Variants in RAD51B observed in about 807,000 individuals in gnomAD.
The protein encoded by RAD51B is DNA repair protein RAD51 homolog 2.
In RAD51B, 38 loss-of-function variants were observed where a neutral mutation model predicts 42.2. The ratio of observed to expected loss-of-function variants is 0.90; its 90% CI spans 0.70 to 1.18. The LOEUF is 1.18. RAD51B is among the 50% of genes most tolerant of loss of function. RAD51B has a pLI of 0.00. For synonymous variants in RAD51B, 154 were observed against 145.2 expected, an observed-to-expected ratio of 1.06 and a Z score of -0.43; for missense variants, 373 against 400.7, an observed-to-expected ratio of 0.93 and a Z score of 0.59.
chr14:68,140,944 C>T (rs1265140192), intron 7 of RAD51B, among the ~76,000 whole-genome samples: 3 of 152,164 alleles, frequency 2.0e-5, no homozygotes, highest in Non-Finnish European at 4.4e-5. Context: ...AAACTCTGAA[C>T]TGGGTATTGT....
chr14:68,398,486 G>A (rs537490062), intron 8 of RAD51B, among the ~76,000 whole-genome samples: 4 of 152,244 alleles, frequency 2.6e-5, no homozygotes, highest in East Asian at 1.9e-4. Context: ...CTGAGGAGGG[G>A]CCTTAATGAG....
At chr14:67,959,722 C>T (rs9796374) in intron 7 of RAD51B, among the ~76,000 whole-genome samples, 10,446 of 152,156 alleles carry the variant, frequency 0.069, 874 homozygotes, top group African/African-American at 0.2. Context: ...TGGTTCTTTA[C>T]TAATTATATA....
rs7148354 is a variant in RAD51B at position 68,398,310 on chromosome 14, T to G, written c.854-13114T>G. 7.4e-3 allele frequency among the ~76,000 whole-genome samples: 1,124 copies of G among 152,372 alleles called. 20 individuals are homozygous for G. The highest frequency in any genetic ancestry group is 0.025 in the African/African-American group (1,060 of 41,590). On this transcript the variant is annotated intron_variant, in intron 8 of 10. Coordinates refer to ENST00000471583, the MANE Select transcript of RAD51B (RefSeq NM_133510.4). Reference sequence around the variant, plus strand: ...ATTCATCAGATGCACTTAGGCACTCTGGAGTTTTCAAAGCACCTCAGCATT... The same window carrying G: ...ATTCATCAGATGCACTTAGGCACTCGGGAGTTTTCAAAGCACCTCAGCATT...
Position 68,558,873 on chromosome 14 carries a change from A to G in RAD51B, c.1037-35612A>G, listed in dbSNP as rs1888995818. Among the ~76,000 whole-genome samples, 4 of 152,162 alleles carry G rather than the reference A, an allele frequency of 2.6e-5. No homozygotes were observed. The South Asian group carries it at 8.3e-4, about 31-fold the overall frequency. On this transcript the variant is annotated intron_variant, in intron 10 of 10. Coordinates refer to the RAD51B transcript ENST00000487270. Reference sequence around the variant, plus strand: ...TGAGGGTGACACAATTCAGTCCACCATGGGAGACACATGCTTTTTGTCCAT... The same window carrying G: ...TGAGGGTGACACAATTCAGTCCACCGTGGGAGACACATGCTTTTTGTCCAT...
intron 10 of RAD51B, among the ~76,000 whole-genome samples, chr14:68,616,815 T>G (rs1185414708): frequency 1.3e-5 from 2 of 152,136 alleles, no homozygotes; most frequent in Non-Finnish European, 2.9e-5. Context: ...CTCTTGGTGC[T>G]TCATTTTGGA....
At chr14:68,082,546 C>G (rs922778234) in intron 7 of RAD51B, among the ~76,000 whole-genome samples, 1 of 151,768 alleles carries the variant, frequency 6.6e-6, no homozygotes, top group Non-Finnish European at 1.5e-5. Context: ...GATAAATAAG[C>G]ATTCCTCTTT....
intron 7 of RAD51B, among the ~76,000 whole-genome samples, chr14:67,911,548 G>A (rs1398313206): frequency 6.6e-6 from 1 of 151,924 alleles, no homozygotes; most frequent in African/African-American, 2.4e-5. Flanking sequence ...ATATTGGAGG[G>A]GTGCCATTTC....
intron 7 of RAD51B, among the ~76,000 whole-genome samples, chr14:67,976,207 C>T (rs1326539128): frequency 6.6e-6 from 1 of 151,824 alleles, no homozygotes; most frequent in African/African-American, 2.4e-5. Flanking sequence ...GCCTGGACCT[C>T]CTGGGCTCAA....
chr14:68,516,493 G>A (rs1037746042), intron 10 of RAD51B, among the ~76,000 whole-genome samples: 2 of 152,174 alleles, frequency 1.3e-5, no homozygotes, highest in Admixed American at 1.3e-4. Context: ...TAAAGTATGC[G>A]AAGGAAACCC....
chr14:68,075,068 C>T lies in RAD51B; in HGVS notation c.756+187864C>T, dbSNP rs538196473. On this transcript the variant is annotated intron_variant, in intron 7 of 10. Transcript: ENST00000471583. ...CCCAAGCTTGGAACCTTGGCAGTGG[C>T]GATGGCAGAGAGCCTTTCACTTGTT... 3.9e-5 allele frequency among the ~76,000 whole-genome samples: 6 copies of T among 152,282 alleles called. No individual in the cohort carries two copies. In the East Asian group the frequency reaches 7.7e-4, roughly 20 times the overall value.
intron 10 of RAD51B, chr14:68,497,187 CT>C: frequency 7.2e-7 from 1 of 1,391,258 alleles, no homozygotes; most frequent in Non-Finnish European, 9.6e-7. Context: ...GAAAAATCCG[CT>C]TTTCTGCCAC....
chr14:68,559,762 A>G (rs542163932), intron 10 of RAD51B, among the ~76,000 whole-genome samples: 1 of 152,244 alleles, frequency 6.6e-6, no homozygotes, highest in South Asian at 2.1e-4. Context: ...CAATTTTCCC[A>G]CTAAAGCAAT....
chr14:67,877,927 A>G (rs914795688), intron 5 of RAD51B, among the ~76,000 whole-genome samples: 4 of 152,128 alleles, frequency 2.6e-5, no homozygotes, highest in Non-Finnish European at 5.9e-5. Context: ...CGCCTCCCAA[A>G]CTGCTTGAAT....
intron 7 of RAD51B, among the ~76,000 whole-genome samples, chr14:68,008,643 C>G (rs1181148900): frequency 6.6e-6 from 1 of 151,928 alleles, no homozygotes; most frequent in African/African-American, 2.4e-5. Context: ...GAGACCTTTT[C>G]CCATTGGCCC....
Position 68,291,869 on chromosome 14 carries a change from C to A in RAD51B, c.757-15C>A, listed in dbSNP as rs932627563. The A allele has an allele frequency of 1.2e-6, 2 of 1,601,016 alleles. No homozygotes were observed. Among genetic ancestry groups the A allele is most frequent in the South Asian group, 2.2e-5 (2 of 90,786 alleles). On this transcript the variant is annotated splice_polypyrimidine_tract_variant and intron_variant, in intron 7 of 10. Transcript: ENST00000471583. ...TCTCCCTTGCCCCCTACCCCTTCTC[C>A]CTGTCTGTTCACAGGTTATCTTGAC...
chr14:68,455,711 C>T (rs913210642), intron 9 of RAD51B, among the ~76,000 whole-genome samples: 6 of 151,888 alleles, frequency 4.0e-5, no homozygotes, highest in African/African-American at 1.5e-4. Flanking sequence ...CAGAGCGAGA[C>T]TCTGTCTCAA....
At chr14:67,951,995 C>T (rs1566975369) in intron 7 of RAD51B, among the ~76,000 whole-genome samples, 1 of 136,334 alleles carries the variant, frequency 7.3e-6, no homozygotes, top group Non-Finnish European at 1.5e-5. Flanking sequence ...CAAACTAATA[C>T]AAAAAATTCT....
rs557289122 is a variant in RAD51B at position 67,823,561 on chromosome 14, A to G, written c.18A>G (p.Leu6=). Residue 6 remains leucine, a synonymous_variant, in exon 2 of 11, where the codon CTA becomes CTG. Coordinates refer to ENST00000471583, the MANE Select transcript of RAD51B (RefSeq NM_133510.4). The part of the protein sequence containing the change: MGSKK[L]KRVGLSQELC... ...CTGGAGGCATGGGTAGCAAGAAACT[A>G]AAACGAGTGGGTTTATCACAAGAGC... 2.9e-5 allele frequency: 47 copies of G among 1,613,856 alleles called. No homozygotes were observed. The South Asian group carries it at 4.3e-4, about 15-fold the overall frequency.
chr14:68,349,736 A>G (rs1233413933), intron 8 of RAD51B, among the ~76,000 whole-genome samples: 1 of 152,044 alleles, frequency 6.6e-6, no homozygotes. Flanking sequence ...CAAGTTGCTC[A>G]CCCTGTGTTT....
Sources: allele counts gnomAD v4.1 joint callset (sites outside exome capture counted in the v4.1 genomes callset), GRCh38; gene constraint gnomAD v4.1.1; transcripts MANE v1.5; gene names NCBI Gene and HGNC (gene_info 2026-07-23, HGNC 2026-07-21).